Variants in EPS8 observed in about 807,000 individuals in gnomAD.
The protein encoded by EPS8 is epidermal growth factor receptor kinase substrate 8.
In EPS8, 42 loss-of-function variants were observed where a neutral mutation model predicts 103.8. The observed-to-expected ratio is 0.40, with a 90% CI of 0.32 to 0.52. The LOEUF is 0.52. Among genes scored for constraint, EPS8 ranks in the 20% least tolerant of loss-of-function variants. The pLI is 0.40. For missense variants in EPS8, 969 were observed against 1,005.1 expected (o/e 0.96, Z 0.49); for synonymous variants, 344 against 344.6 (o/e 1.00, Z 0.02).
At chr12:15,788,737 C>A (rs929483287) in intron 1 of EPS8, among the ~76,000 whole-genome samples, 9 of 152,194 alleles carry the variant, frequency 5.9e-5, no homozygotes, top group Non-Finnish European at 1.0e-4. Context: ...AAGAACCCCT[C>A]CCCATTTGAG....
intron 15 of EPS8, among the ~76,000 whole-genome samples, chr12:15,644,755 A>G (rs544129053): frequency 1.4e-4 from 21 of 152,036 alleles, no homozygotes; most frequent in Non-Finnish European, 2.6e-4. Flanking sequence ...TTTTAACAGT[A>G]TCTACTGCAT....
At chr12:15,687,622 C>T in intron 1 of EPS8, among the ~76,000 whole-genome samples, 1 of 152,096 alleles carries the variant, frequency 6.6e-6, no homozygotes, top group East Asian at 1.9e-4. Flanking sequence ...TAATATGCAA[C>T]TTTAGAAAGA....
chr12:15,670,942 A>C lies in EPS8; in HGVS notation c.137-19T>G, dbSNP rs759215687. 6.2e-7 allele frequency: 1 copy of C among 1,603,702 alleles called. No individual in the cohort carries two copies. The highest frequency in any genetic ancestry group is 8.5e-7 in the Non-Finnish European group (1 of 1,171,136). ...CTTTGTTCTGAAAGAGAAATTGAAA[A>C]AGCCATGATTTGTCCCCTAATAGAC... On this transcript the variant is annotated intron_variant, in intron 3 of 20. Coordinates refer to ENST00000281172, the MANE Select transcript of EPS8 (RefSeq NM_004447.6).
intron 10 of EPS8, among the ~76,000 whole-genome samples, chr12:15,659,306 G>A (rs1158167120): frequency 6.6e-6 from 1 of 152,044 alleles, no homozygotes; most frequent in Non-Finnish European, 1.5e-5. Context: ...CTCACAGCAT[G>A]AAAAAGTAGA....
intron 3 of EPS8, 24 bp downstream of exon 3, chr12:15,681,202 A>G: frequency 3.1e-6 from 4 of 1,283,406 alleles, no homozygotes; most frequent in Admixed American, 2.1e-5. Context: ...ACAAAATTAT[A>G]CCCTATCAAA....
intron 1 of EPS8, among the ~76,000 whole-genome samples, chr12:15,707,495 A>G (rs1263547296): frequency 6.6e-6 from 1 of 152,060 alleles, no homozygotes; most frequent in Non-Finnish European, 1.5e-5. Flanking sequence ...CTTTCAGTAT[A>G]ACAAACACTA....
chr12:15,758,510 A>G (rs1175218099), intron 1 of EPS8, among the ~76,000 whole-genome samples: 2 of 152,218 alleles, frequency 1.3e-5, no homozygotes, highest in Admixed American at 1.3e-4. Flanking sequence ...TGTTGCTGGT[A>G]TGTAAGGAAC....
intron 15 of EPS8, among the ~76,000 whole-genome samples, chr12:15,646,040 T>C (rs1167932116): frequency 6.6e-6 from 1 of 152,204 alleles, no homozygotes; most frequent in African/African-American, 2.4e-5. Context: ...AGGATTTCAA[T>C]GAAATAATGT....
intron 1 of EPS8, among the ~76,000 whole-genome samples, chr12:15,687,567 T>G (rs1435787053): frequency 1.3e-5 from 2 of 152,200 alleles, no homozygotes; most frequent in Non-Finnish European, 2.9e-5. Context: ...ATCAGAATGT[T>G]GTTTGGTTAA....
chr12:15,638,505 C>T (rs904394704), intron 17 of EPS8, among the ~76,000 whole-genome samples: 3 of 152,160 alleles, frequency 2.0e-5, no homozygotes, highest in Non-Finnish European at 4.4e-5. Context: ...TACGCTTCTG[C>T]ATACACACAG....
chr12:15,743,344 A>G (rs1946843997), intron 1 of EPS8, among the ~76,000 whole-genome samples: 2 of 152,226 alleles, frequency 1.3e-5, no homozygotes, highest in Admixed American at 1.3e-4. Context: ...TGCCCAAGGT[A>G]ATTTATAGAT....
intron 3 of EPS8, among the ~76,000 whole-genome samples, chr12:15,679,922 G>A (rs970568379): frequency 6.6e-6 from 1 of 152,104 alleles, no homozygotes. Flanking sequence ...ATCTTTTTCT[G>A]TTATCTTCAA....
At chr12:15,770,491 C>CTTGAA (rs1247614957) in intron 1 of EPS8, among the ~76,000 whole-genome samples, 1 of 151,986 alleles carries the variant, frequency 6.6e-6, no homozygotes, top group Non-Finnish European at 1.5e-5. Flanking sequence ...ATACAAAAAT[C>CTTGAA]TTGAAAATTG....
Position 15,761,598 on chromosome 12 carries a change from T to C in EPS8, c.-22+27563A>G, listed in dbSNP as rs369898412. Among the ~76,000 whole-genome samples, 95 of 151,950 alleles carry C rather than the reference T, an allele frequency of 6.3e-4. No homozygotes were observed. The highest frequency in any genetic ancestry group is 2.1e-3 in the African/African-American group (86 of 41,450). On this transcript the variant is annotated intron_variant, in intron 1 of 20. Coordinates refer to ENST00000281172, the MANE Select transcript of EPS8 (RefSeq NM_004447.6). The surrounding 1 kb of genome is among the most constrained non-coding windows in gnomAD (Gnocchi z 4.5). ...GAATAAAAACAGACACATAGACCAA[T>C]AGAAAAGAATAGAGAACCCAGAAAC...
chr12:15,687,143 C>A (rs1946106822), intron 1 of EPS8, among the ~76,000 whole-genome samples: 1 of 152,000 alleles, frequency 6.6e-6, no homozygotes, highest in South Asian at 2.1e-4. Flanking sequence ...TTCTTTAAAC[C>A]TCTTAAATCA....
intron 18 of EPS8, among the ~76,000 whole-genome samples, chr12:15,630,181 CTG>C (rs1473941014): frequency 7.3e-6 from 1 of 137,548 alleles, no homozygotes; most frequent in African/African-American, 2.6e-5. Flanking sequence ...CTCTCTCTCT[CTG>C]TCTCTCTATC....
chr12:15,664,110 C>T (rs1945666660), intron 8 of EPS8, among the ~76,000 whole-genome samples: 1 of 149,510 alleles, frequency 6.7e-6, no homozygotes. Context: ...TACTTCAGAC[C>T]CTCTTCATCG....
Position 15,695,998 on chromosome 12 carries a change from G to A in EPS8, c.-21-13026C>T, listed in dbSNP as rs1946238333. ...TAGCGTTTATAAGGATACAAACACA[G>A]ACTGCATCAAACCTAGCTATGAACT... On this transcript the variant is annotated intron_variant, in intron 1 of 20. Transcript: ENST00000281172. The surrounding 1 kb of genome is among the most constrained non-coding windows in gnomAD (Gnocchi z 5.0). 6.6e-6 allele frequency among the ~76,000 whole-genome samples: 1 copy of A among 152,124 alleles called. No individual in the cohort carries two copies. The highest frequency in any genetic ancestry group is 1.5e-5 in the Non-Finnish European group (1 of 68,020).
At chr12:15,663,406 C>A (rs1410401817) in intron 8 of EPS8, among the ~76,000 whole-genome samples, 1 of 152,054 alleles carries the variant, frequency 6.6e-6, no homozygotes, top group Non-Finnish European at 1.5e-5. Context: ...GCTGGAGCAT[C>A]CAGAGGAACC....
Sources: allele counts gnomAD v4.1 joint callset (sites outside exome capture counted in the v4.1 genomes callset), GRCh38; gene constraint gnomAD v4.1.1; non-coding constraint Gnocchi (gnomAD v3.1); transcripts MANE v1.5; gene names NCBI Gene and HGNC (gene_info 2026-07-23, HGNC 2026-07-21).